Variants in DSCAM observed in about 807,000 individuals in gnomAD.
DSCAM encodes the protein DS cell adhesion molecule, also known as cell adhesion molecule DSCAM.
DSCAM carries 47 observed loss-of-function variants against 217.7 expected under a neutral mutation model. The ratio of observed to expected loss-of-function variants is 0.22; its 90% CI spans 0.17 to 0.28. DSCAM has a LOEUF of 0.28. Ranked by LOEUF, DSCAM falls within the 10% of genes least tolerant of loss-of-function variation. The pLI is 1.00. For missense variants in DSCAM, 2,080 were observed against 2,618.3 expected, an observed-to-expected ratio of 0.79 and a Z score of 4.49; for synonymous variants, 1,056 against 1,015.3, an observed-to-expected ratio of 1.04 and a Z score of -0.76.
chr21:40,706,617 G>A (rs76270332), intron 2 of DSCAM, among the ~76,000 whole-genome samples: 4 of 152,114 alleles, frequency 2.6e-5, no homozygotes, highest in Non-Finnish European at 1.5e-5. Flanking sequence ...AGGATACCCC[G>A]TGAGTGAGCA....
chr21:40,215,502 T>C (rs902568634), intron 11 of DSCAM, among the ~76,000 whole-genome samples: 4 of 152,024 alleles, frequency 2.6e-5, no homozygotes, highest in African/African-American at 4.8e-5. Flanking sequence ...ATGACTTTTA[T>C]AGCAACTTGG....
chr21:40,645,051 A>G (rs543140542), intron 3 of DSCAM, among the ~76,000 whole-genome samples: 1 of 152,316 alleles, frequency 6.6e-6, no homozygotes, highest in African/African-American at 2.4e-5. Flanking sequence ...AAGCATACAC[A>G]TACCGGGGGC....
chr21:40,367,322 T>C (rs749750064), intron 4 of DSCAM, among the ~76,000 whole-genome samples: 7 of 152,190 alleles, frequency 4.6e-5, no homozygotes, highest in Non-Finnish European at 1.0e-4. Context: ...GGTCCTGTTG[T>C]TGCCAGTAAT....
chr21:40,598,628 C>T (rs2077040046), intron 3 of DSCAM, among the ~76,000 whole-genome samples: 1 of 151,374 alleles, frequency 6.6e-6, no homozygotes, highest in African/African-American at 2.4e-5. Flanking sequence ...CCTCAGCCTC[C>T]CAAGTAGCTG....
chr21:40,051,212 G>C (rs1448997137), intron 30 of DSCAM, among the ~76,000 whole-genome samples: 1 of 152,116 alleles, frequency 6.6e-6, no homozygotes, highest in Non-Finnish European at 1.5e-5. Context: ...ATAATAATCA[G>C]GACATCAATT....
In DSCAM at chr21:40,226,330, A is replaced by T. The variant is rs546322851; in HGVS notation, c.2357-37092T>A. ...TATTACTTGGTAGACAATTCTTTGT[A>T]ATTCAGTGGGTTCTCGGATTTTCTT... On this transcript the variant is annotated intron_variant, in intron 11 of 32. Transcript: ENST00000400454. Among the ~76,000 whole-genome samples the T allele has an allele frequency of 1.1e-4, 17 of 152,316 alleles. 1 individual carries two copies. The South Asian group carries it at 2.9e-3, about 26-fold the overall frequency.
chr21:40,581,201 G>A (rs2076902959), intron 3 of DSCAM, among the ~76,000 whole-genome samples: 2 of 152,172 alleles, frequency 1.3e-5, no homozygotes, highest in Admixed American at 6.5e-5. Context: ...GGCAGAAGCT[G>A]GGGAATGCGC....
intron 2 of DSCAM, among the ~76,000 whole-genome samples, chr21:40,693,501 G>C (rs1018779680): frequency 2.6e-5 from 4 of 152,070 alleles, no homozygotes; most frequent in African/African-American, 9.7e-5. Flanking sequence ...CATGAGATAG[G>C]AAATAGCTTC....
rs73902629 is a variant in DSCAM, at chr21:40,451,736, G to A, written c.509-82491C>T. Among the ~76,000 whole-genome samples the A allele has an allele frequency of 1.2e-3, 190 of 152,292 alleles. 1 individual carries two copies. Among genetic ancestry groups the A allele is most frequent in the African/African-American group, 4.2e-3 (174 of 41,560 alleles). ...GGTTCGAATTTCAGGGTGGCTGGAGGATGTGTGCACGCCAGAAACTATTTG... is the reference window on the plus strand; with the variant it reads ...GGTTCGAATTTCAGGGTGGCTGGAGAATGTGTGCACGCCAGAAACTATTTG... On this transcript the variant is annotated intron_variant, in intron 3 of 32. Coordinates refer to ENST00000400454, the MANE Select transcript of DSCAM (RefSeq NM_001389.5).
chr21:40,103,094 G>C (rs1488751427), intron 20 of DSCAM, among the ~76,000 whole-genome samples: 1 of 152,286 alleles, frequency 6.6e-6, no homozygotes, highest in Non-Finnish European at 1.5e-5. Flanking sequence ...ATTTGAGTAC[G>C]ATAGGAAATA....
chr21:40,066,535 G>T (rs187571905), intron 27 of DSCAM, among the ~76,000 whole-genome samples: 30 of 152,298 alleles, frequency 2.0e-4, no homozygotes, highest in African/African-American at 2.4e-5. Context: ...TGAGAAAGAC[G>T]CTGGTAATTC....
intron 11 of DSCAM, among the ~76,000 whole-genome samples, chr21:40,234,156 C>A (rs2091405670): frequency 6.6e-6 from 1 of 152,202 alleles, no homozygotes; most frequent in South Asian, 2.1e-4. Flanking sequence ...ATTTGGTTTT[C>A]ACTTTACTCT....
intron 3 of DSCAM, among the ~76,000 whole-genome samples, chr21:40,490,994 C>A (rs1267487498): frequency 1.3e-5 from 2 of 152,168 alleles, no homozygotes; most frequent in Non-Finnish European, 2.9e-5. Context: ...GACTTGGGCA[C>A]ATGAGGAATT....
chr21:40,130,518 T>G (rs765349576), intron 19 of DSCAM, among the ~76,000 whole-genome samples: 1 of 152,102 alleles, frequency 6.6e-6, no homozygotes, highest in African/African-American at 2.4e-5. Context: ...ACTACAGGCA[T>G]GAGAATATGT....
intron 14 of DSCAM, among the ~76,000 whole-genome samples, chr21:40,183,269 A>C (rs1036665488): frequency 2.0e-5 from 3 of 152,182 alleles, no homozygotes; most frequent in African/African-American, 7.2e-5. Flanking sequence ...AATATGCTCG[A>C]AGGGATGTTA....
intron 29 of DSCAM, among the ~76,000 whole-genome samples, chr21:40,054,057 T>C (rs1219437632): frequency 6.6e-6 from 1 of 152,254 alleles, no homozygotes; most frequent in African/African-American, 2.4e-5. Context: ...TAAAATTATA[T>C]GGTCAAAGGA....
intron 3 of DSCAM, among the ~76,000 whole-genome samples, chr21:40,437,649 G>C (rs969708701): frequency 6.6e-6 from 1 of 151,980 alleles, no homozygotes; most frequent in African/African-American, 2.4e-5. Flanking sequence ...TTGGGAGTTC[G>C]AGACCAGCCT....
intron 11 of DSCAM, among the ~76,000 whole-genome samples, chr21:40,193,073 G>A (rs571977073): frequency 6.6e-6 from 1 of 152,300 alleles, no homozygotes; most frequent in African/African-American, 2.4e-5. Flanking sequence ...GGGAATAAGA[G>A]GAGGTGTTAA....
rs1318553563 is a variant in DSCAM at position 40,356,416 on chromosome 21, G to C, written c.656-2673C>G. Among the ~76,000 whole-genome samples, 3 of 133,668 alleles carry C rather than the reference G, an allele frequency of 2.2e-5. No homozygotes were observed. In the East Asian group the frequency reaches 6.7e-4, roughly 30 times the overall value. 87.7% of individuals were successfully genotyped at this position (133,668 alleles called of 152,430 possible). ...ATATATATATATATATATGCACATT[G>C]TACATCACATTGTATACCTTAAATA... On this transcript the variant is annotated intron_variant, in intron 4 of 32. Coordinates refer to ENST00000400454, the MANE Select transcript of DSCAM (RefSeq NM_001389.5).
Sources: gnomAD v4.1 joint callset for allele counts (sites outside exome capture counted in the v4.1 genomes callset) on GRCh38, gnomAD v4.1.1 for gene constraint, MANE v1.5 for transcripts, NCBI Gene and HGNC (gene_info 2026-07-23, HGNC 2026-07-21) for gene names.